The following NDST3 variants were observed in gnomAD, a reference collection of about 807,000 sequenced individuals.
NDST3 encodes the protein N-deacetylase and N-sulfotransferase 3.
A neutral mutation model predicts 96.1 loss-of-function variants in NDST3; 58 were observed. The ratio of observed to expected loss-of-function variants is 0.60; its 90% CI spans 0.49 to 0.75. The LOEUF (loss-of-function observed/expected upper bound fraction) is 0.75, where lower values mean the gene tolerates loss of function less well. Among genes scored for constraint, NDST3 ranks in the 30% least tolerant of loss-of-function variants. The pLI, the probability that NDST3 is intolerant of heterozygous loss-of-function variation, is 0.00. For missense variants in NDST3, 788 were observed against 1,034.2 expected (o/e 0.76, Z 3.27); for synonymous variants, 333 against 359.7 (o/e 0.93, Z 0.84).
At chr4:118,199,110 C>T (rs2125976958) in intron 6 of NDST3, among the ~76,000 whole-genome samples, 1 of 152,202 alleles carries the variant, frequency 6.6e-6, no homozygotes, top group East Asian at 1.9e-4. Context: ...GTTTAGGAAG[C>T]TCTCTGTTAT....
chr4:118,171,398 C>T (rs1735941338), intron 6 of NDST3, among the ~76,000 whole-genome samples: 1 of 152,174 alleles, frequency 6.6e-6, no homozygotes, highest in South Asian at 2.1e-4. Flanking sequence ...ATCTTACCTC[C>T]AGGGCATATG....
chr4:118,225,149 A>T (rs1206508516), intron 7 of NDST3, among the ~76,000 whole-genome samples: 2 of 152,208 alleles, frequency 1.3e-5, no homozygotes, highest in Non-Finnish European at 2.9e-5. Flanking sequence ...GACAGCTTTC[A>T]AAAGTATTAA....
chr4:118,240,486 G>T, intron 10 of NDST3, 38 bp from the exon 11 acceptor site: 1 of 1,488,202 alleles, frequency 6.7e-7, no homozygotes, highest in Non-Finnish European at 9.0e-7. Context: ...TTATGCCTAC[G>T]GTTCAGATTA....
chr4:118,212,897 T>TTAAGTCTGACA (rs1188996296), intron 6 of NDST3, among the ~76,000 whole-genome samples: 1 of 152,206 alleles, frequency 6.6e-6, no homozygotes, highest in Admixed American at 6.5e-5. Context: ...ATTTCTTGGG[T>TTAAGTCTGACA]ACTTAACTAT....
chr4:118,169,062 C>T (rs189924363), intron 6 of NDST3, among the ~76,000 whole-genome samples: 4 of 152,218 alleles, frequency 2.6e-5, no homozygotes, highest in Admixed American at 2.6e-4. Context: ...ATTAACAATA[C>T]TGTACTGTAT....
intron 3 of NDST3, among the ~76,000 whole-genome samples, chr4:118,111,763 T>C (rs1730660958): frequency 6.6e-6 from 1 of 152,042 alleles, no homozygotes; most frequent in African/African-American, 2.4e-5. Flanking sequence ...CTGAGATAAA[T>C]ATGTCAGAAG....
At chr4:118,196,203 C>G (rs1332574967) in intron 6 of NDST3, among the ~76,000 whole-genome samples, 1 of 152,128 alleles carries the variant, frequency 6.6e-6, no homozygotes, top group Non-Finnish European at 1.5e-5. Context: ...CCCACTTGGT[C>G]ATGATGAATG....
chr4:118,204,822 A>C (rs976804452), intron 6 of NDST3, among the ~76,000 whole-genome samples: 2 of 144,706 alleles, frequency 1.4e-5, no homozygotes, highest in Admixed American at 1.4e-4. Flanking sequence ...ATTTAAAGAT[A>C]AAAACAATGA....
At chr4:118,186,246 C>G (rs1736951349) in intron 6 of NDST3, among the ~76,000 whole-genome samples, 1 of 152,148 alleles carries the variant, frequency 6.6e-6, no homozygotes, top group Non-Finnish European at 1.5e-5. Flanking sequence ...CAAACTCAGT[C>G]TAAAACAATG....
intron 2 of NDST3, among the ~76,000 whole-genome samples, chr4:118,062,937 T>A (rs1022238033): frequency 1.3e-5 from 2 of 152,122 alleles, no homozygotes; most frequent in East Asian, 1.9e-4. Context: ...ATGCCTGTAA[T>A]CCCAGCACTT....
intron 8 of NDST3, among the ~76,000 whole-genome samples, chr4:118,228,814 A>T (rs550461419): frequency 9.5e-4 from 144 of 152,260 alleles, no homozygotes; most frequent in African/African-American, 2.9e-3. Context: ...CTTTTCTAGA[A>T]CTTCACATAA....
chr4:118,196,560 A>G (rs535656787), intron 6 of NDST3, among the ~76,000 whole-genome samples: 99 of 152,168 alleles, frequency 6.5e-4, no homozygotes, highest in African/African-American at 2.2e-3. Flanking sequence ...GGATTTCTTC[A>G]TGGTTCAATC....
rs115660493 is a variant in NDST3 at position 118,111,327 on chromosome 4, T to C, written c.1070-3479T>C. 6.6e-3 allele frequency among the ~76,000 whole-genome samples: 1,009 copies of C among 151,872 alleles called. 8 individuals are homozygous for C. The highest frequency in any genetic ancestry group is 0.023 in the African/African-American group (967 of 41,398). ...CCGAATCTAAAATAAAAGTTGAAAA[T>C]AAAATAAAATACATACAATCTGCAT... On this transcript the variant is annotated intron_variant, in intron 3 of 13. Coordinates refer to ENST00000296499, the MANE Select transcript of NDST3 (RefSeq NM_004784.3).
At chr4:118,111,566 T>A (rs1462489568) in intron 3 of NDST3, among the ~76,000 whole-genome samples, 1 of 150,380 alleles carries the variant, frequency 6.6e-6, no homozygotes, top group Non-Finnish European at 1.5e-5. Context: ...AGATGGAGTC[T>A]CGCTCTGTCA....
At chr4:118,080,754 T>C (rs1727945284) in intron 2 of NDST3, among the ~76,000 whole-genome samples, 2 of 152,124 alleles carry the variant, frequency 1.3e-5, no homozygotes, top group Admixed American at 1.3e-4. Flanking sequence ...GGAATAATTA[T>C]TTAAAGAAAT....
intron 1 of NDST3, among the ~76,000 whole-genome samples, chr4:118,037,607 T>C (rs1724224124): frequency 6.6e-6 from 1 of 152,170 alleles, no homozygotes; most frequent in South Asian, 2.1e-4. Flanking sequence ...TCCAACAATT[T>C]CCATCACTTC....
chr4:118,041,411 A>T (rs1332225535), intron 1 of NDST3, among the ~76,000 whole-genome samples: 1 of 152,218 alleles, frequency 6.6e-6, no homozygotes, highest in Non-Finnish European at 1.5e-5. Context: ...GCCTTATAGG[A>T]AATCTTGATG....
intron 6 of NDST3, chr4:118,193,704 C>T (rs1737470151): frequency 3.0e-6 from 4 of 1,317,140 alleles, no homozygotes; most frequent in South Asian, 1.2e-5. Context: ...TGGGCCTCTC[C>T]CCAATGGAAG....
At chr4:118,113,318 G>A (rs1730795854) in intron 3 of NDST3, among the ~76,000 whole-genome samples, 1 of 152,202 alleles carries the variant, frequency 6.6e-6, no homozygotes, top group African/African-American at 2.4e-5. Context: ...AAAAAATAAA[G>A]AAAATAAAAC....
Sources: allele counts gnomAD v4.1 joint callset (sites outside exome capture counted in the v4.1 genomes callset), GRCh38; gene constraint gnomAD v4.1.1; transcripts MANE v1.5; gene names NCBI Gene and HGNC (gene_info 2026-07-23, HGNC 2026-07-21).